The following OSTN variants were observed in gnomAD, a reference collection of about 807,000 sequenced individuals.
OSTN encodes the protein osteocrin.
OSTN carries 9 observed loss-of-function variants against 12.0 expected under a neutral mutation model. The ratio of observed to expected loss-of-function variants is 0.75; its 90% CI spans 0.45 to 1.30. OSTN has a LOEUF of 1.30. Among genes scored for constraint, OSTN ranks in the 50% most tolerant of loss-of-function variants. The pLI, the probability that OSTN is intolerant of heterozygous loss-of-function variation, is 0.00. For missense variants in OSTN, 148 were observed against 152.3 expected, an observed-to-expected ratio of 0.97 and a Z score of 0.15; for synonymous variants, 59 against 56.9, an observed-to-expected ratio of 1.04 and a Z score of -0.16.
intron 3 of OSTN, among the ~76,000 whole-genome samples, chr3:191,247,518 T>C (rs904339775): frequency 6.6e-6 from 1 of 152,160 alleles, no homozygotes; most frequent in Non-Finnish European, 1.5e-5. Context: ...ATATAGTCGA[T>C]ACAGATAATA....
chr3:191,232,556 A>G (rs1044197889), intron 3 of OSTN, among the ~76,000 whole-genome samples: 1 of 150,330 alleles, frequency 6.7e-6, no homozygotes, highest in African/African-American at 2.4e-5. Flanking sequence ...ATTTTTTGAG[A>G]TGGAGTCTCA....
rs573417030 is a variant in OSTN at position 191,218,657 on chromosome 3, T to C, written c.103-90T>C. ...TGTAAGATGTTACATGATGAGTATG[T>C]CAGCTAACAGTAGCAAAAGCCAGAT... On this transcript the variant is annotated intron_variant, in intron 2 of 4. Transcript: ENST00000682035. 4 of 1,022,288 alleles carry C rather than the reference T, an allele frequency of 3.9e-6. No homozygotes were observed. In the South Asian group the frequency reaches 6.1e-5, roughly 16 times the overall value. The allele number at this position is 1,022,288 out of a possible 1,614,324, so 63.3% of individuals were successfully genotyped here. A position where few individuals can be genotyped will look rare whatever the true frequency, so the allele number is the denominator to read the frequency against.
At chr3:191,206,397 G>T (rs1175961589) in intron 1 of OSTN, among the ~76,000 whole-genome samples, 3 of 152,110 alleles carry the variant, frequency 2.0e-5, no homozygotes, top group Non-Finnish European at 1.5e-5. Context: ...CAAAGATTTG[G>T]AGATTCTTTC....
intron 3 of OSTN, among the ~76,000 whole-genome samples, chr3:191,230,066 CAATAAATAAATAAATA>C (rs71937483): frequency 1.4e-5 from 2 of 146,058 alleles, no homozygotes; most frequent in Non-Finnish European, 3.0e-5. Flanking sequence ...GACTCAGTCT[CAATAAATAAATAAATA>C]AATAAATAAA....
chr3:191,232,779 T>C (rs892958550), intron 3 of OSTN, among the ~76,000 whole-genome samples: 1 of 152,054 alleles, frequency 6.6e-6, no homozygotes, highest in Non-Finnish European at 1.5e-5. Flanking sequence ...CACACCTGGC[T>C]AATTTTTGTA....
At chr3:191,231,318 T>C (rs1369323337) in intron 3 of OSTN, among the ~76,000 whole-genome samples, 1 of 152,124 alleles carries the variant, frequency 6.6e-6, no homozygotes. Context: ...TTCTGTCATC[T>C]GTTACCAAGG....
intron 3 of OSTN, among the ~76,000 whole-genome samples, chr3:191,219,607 C>A (rs2108533573): frequency 6.6e-6 from 1 of 152,256 alleles, no homozygotes; most frequent in East Asian, 1.9e-4. Context: ...CCCTTTATGT[C>A]AGTAATTTAA....
At chr3:191,217,735 T>G (rs933578217) in intron 2 of OSTN, among the ~76,000 whole-genome samples, 1 of 152,216 alleles carries the variant, frequency 6.6e-6, no homozygotes, top group African/African-American at 2.4e-5. Context: ...TTGGGATATC[T>G]CAGACACATT....
intron 3 of OSTN, among the ~76,000 whole-genome samples, chr3:191,227,254 A>G (rs761727188): frequency 6.6e-6 from 1 of 152,214 alleles, no homozygotes; most frequent in Non-Finnish European, 1.5e-5. Context: ...CATTCTTGTT[A>G]TAAGAAAAAA....
chr3:191,245,080 T>C (rs1715400135), intron 3 of OSTN, among the ~76,000 whole-genome samples: 1 of 152,232 alleles, frequency 6.6e-6, no homozygotes, highest in Non-Finnish European at 1.5e-5. Flanking sequence ...TTTCAGATAT[T>C]GCTCTCTTTT....
chr3:191,213,513 G>A (rs529693571), intron 2 of OSTN, among the ~76,000 whole-genome samples: 3 of 152,238 alleles, frequency 2.0e-5, no homozygotes, highest in African/African-American at 7.2e-5. Context: ...AGTTATGTCA[G>A]AATGAAGGGC....
chr3:191,247,872 C>T (rs1051811803), intron 3 of OSTN, among the ~76,000 whole-genome samples: 1 of 152,158 alleles, frequency 6.6e-6, no homozygotes, highest in Non-Finnish European at 1.5e-5. Context: ...CTCGCGTTGT[C>T]GCCCAGGTTT....
intron 3 of OSTN, among the ~76,000 whole-genome samples, chr3:191,243,777 T>C (rs746709942): frequency 1.3e-5 from 2 of 152,132 alleles, no homozygotes; most frequent in Non-Finnish European, 2.9e-5. Context: ...CAATAATTAA[T>C]ATTTACATTA....
rs188477372 is a variant in OSTN at position 191,242,537 on chromosome 3, C to T, written c.318-7500C>T. ...AAAAGAAACATGATTTTTTACTCAC[C>T]CCATAAATACAAATTAAATTTTTTC... On this transcript the variant is annotated intron_variant, in intron 3 of 4. Coordinates refer to ENST00000682035, the MANE Select transcript of OSTN (RefSeq NM_198184.2). Among the ~76,000 whole-genome samples the T allele has an allele frequency of 9.2e-5, 14 of 151,944 alleles. No individual in the cohort carries two copies. The East Asian group carries it at 2.7e-3, about 29-fold the overall frequency.
chr3:191,215,863 C>T (rs995498029), intron 2 of OSTN, among the ~76,000 whole-genome samples: 1 of 152,138 alleles, frequency 6.6e-6, no homozygotes, highest in African/African-American at 2.4e-5. Context: ...ACAGTGCAAG[C>T]TGTCGGTGGA....
At chr3:191,215,771 C>A (rs1279403792) in intron 2 of OSTN, among the ~76,000 whole-genome samples, 2 of 152,214 alleles carry the variant, frequency 1.3e-5, no homozygotes, top group Non-Finnish European at 2.9e-5. Context: ...AGCAGCTCTG[C>A]CCCTGAGGCT....
At chr3:191,236,649 A>G (rs1039168975) in intron 3 of OSTN, among the ~76,000 whole-genome samples, 4 of 152,050 alleles carry the variant, frequency 2.6e-5, no homozygotes, top group African/African-American at 9.7e-5. Flanking sequence ...AATAATTTAT[A>G]TTATTATCTT....
chr3:191,207,348 A>C (rs1714300488), intron 1 of OSTN, among the ~76,000 whole-genome samples: 1 of 151,562 alleles, frequency 6.6e-6, no homozygotes, highest in African/African-American at 2.4e-5. Flanking sequence ...TTAATCATAA[A>C]TTTGCAGGTT....
intron 1 of OSTN, among the ~76,000 whole-genome samples, chr3:191,208,884 G>A (rs948272672): frequency 3.9e-5 from 6 of 152,204 alleles, no homozygotes; most frequent in African/African-American, 1.4e-4. Context: ...CAGGCCAGAC[G>A]TGGTGGCTCA....
Sources: allele counts gnomAD v4.1 joint callset (sites outside exome capture counted in the v4.1 genomes callset), GRCh38; gene constraint gnomAD v4.1.1; transcripts MANE v1.5; gene names NCBI Gene and HGNC (gene_info 2026-07-23, HGNC 2026-07-21).